The following ITPK1 variants were observed in gnomAD, a reference collection of about 807,000 sequenced individuals.
ITPK1 encodes inositol-tetrakisphosphate 1-kinase.
ITPK1 carries 21 observed loss-of-function variants against 45.3 expected under a neutral mutation model. That is an observed-to-expected ratio of 0.46 (90% CI 0.33 to 0.67). ITPK1 has a LOEUF of 0.67. Among genes scored for constraint, ITPK1 ranks in the 30% least tolerant of loss-of-function variants. ITPK1 has a pLI of 0.02. For synonymous variants in ITPK1, 258 were observed against 253.6 expected (o/e 1.02, Z -0.16); for missense variants, 474 against 573.5 (o/e 0.83, Z 1.77).
chr14:92,940,717 A>G lies in ITPK1; in HGVS notation c.*844T>C, dbSNP rs1043542. ...CTGATCTCAAATGTCCACTAGAGAC[A>G]AGGGGGTGGAGGCCCAAAGACCTGG... On this transcript the variant is annotated 3_prime_UTR_variant, in exon 11 of 11. Transcript: ENST00000267615. 0.63 allele frequency: 805,708 copies of G among 1,288,374 alleles called. 253,060 individuals are homozygous for G. Among genetic ancestry groups the G allele is most frequent in the East Asian group, 0.85 (15,349 of 18,006 alleles). 79.8% of individuals were successfully genotyped at this position (1,288,374 alleles called of 1,614,324 possible).
intron 4 of ITPK1, among the ~76,000 whole-genome samples, chr14:93,001,960 C>T (rs746057206): frequency 3.3e-5 from 5 of 152,196 alleles, no homozygotes; most frequent in Non-Finnish European, 5.9e-5. Flanking sequence ...ATGCTCACCA[C>T]GCACGGGTCA....
chr14:93,068,165 T>C (rs1446310366), intron 3 of ITPK1: 4 of 152,342 alleles, frequency 2.6e-5, no homozygotes, highest in South Asian at 2.1e-4. Context: ...ATCTCTTAGG[T>C]GTCTTCAATC....
intron 3 of ITPK1, among the ~76,000 whole-genome samples, chr14:93,024,148 C>T (rs796733808): frequency 1.1e-4 from 17 of 152,296 alleles, no homozygotes; most frequent in African/African-American, 4.1e-4. Context: ...GTGTGTGTTG[C>T]GGGGAGAGCG....
chr14:92,999,911 C>G (rs532098837), intron 4 of ITPK1, among the ~76,000 whole-genome samples: 1 of 152,300 alleles, frequency 6.6e-6, no homozygotes, highest in South Asian at 2.1e-4. Context: ...ACTCTCAGCC[C>G]CAAGTCCCAG....
intron 3 of ITPK1, among the ~76,000 whole-genome samples, chr14:93,062,346 C>T (rs560844099): frequency 6.6e-6 from 1 of 152,034 alleles, no homozygotes; most frequent in Non-Finnish European, 1.5e-5. Flanking sequence ...GGGAGGATTG[C>T]TTGAGCCCAG....
intron 7 of ITPK1, among the ~76,000 whole-genome samples, chr14:92,960,185 G>A (rs1163052674): frequency 1.3e-5 from 2 of 152,200 alleles, no homozygotes; most frequent in Non-Finnish European, 2.9e-5. Flanking sequence ...CGGCTGGGGA[G>A]TAGAGGGAGG....
At chr14:92,987,970 G>A (rs1886578335) in intron 5 of ITPK1, among the ~76,000 whole-genome samples, 1 of 152,240 alleles carries the variant, frequency 6.6e-6, no homozygotes, top group Admixed American at 6.5e-5. Context: ...GTCTGCAGCT[G>A]GCGCTTAGCC....
At chr14:92,988,258 T>TG (rs1308070888) in intron 5 of ITPK1, among the ~76,000 whole-genome samples, 2 of 152,066 alleles carry the variant, frequency 1.3e-5, no homozygotes, top group African/African-American at 4.8e-5. Context: ...AGGCTGACAC[T>TG]GGGGGAGGCA....
chr14:92,969,000 G>A (rs928559420), intron 5 of ITPK1, among the ~76,000 whole-genome samples: 7 of 152,110 alleles, frequency 4.6e-5, no homozygotes, highest in Admixed American at 3.3e-4. Flanking sequence ...AGCTGCCCCC[G>A]CTCGGGTTGC....
At chr14:92,975,131 TC>T (rs939461836) in intron 5 of ITPK1, among the ~76,000 whole-genome samples, 1 of 152,162 alleles carries the variant, frequency 6.6e-6, no homozygotes, top group Non-Finnish European at 1.5e-5. Context: ...TGCTCCATGC[TC>T]CCCAACGGCT....
intron 4 of ITPK1, among the ~76,000 whole-genome samples, chr14:93,007,379 A>AG (rs1214404318): frequency 3.8e-5 from 5 of 130,336 alleles, no homozygotes; most frequent in Admixed American, 3.4e-4. Context: ...CGCCCGGCCG[A>AG]GTCTGACTTT....
intron 9 of ITPK1, 40 bp from the exon 10 acceptor site, chr14:92,946,533 A>T: frequency 6.3e-7 from 1 of 1,596,614 alleles, no homozygotes; most frequent in Non-Finnish European, 8.5e-7. Flanking sequence ...TGGGCCGAGG[A>T]GCTGCGAAGC....
At chr14:93,052,522 C>T (rs1015068871) in intron 3 of ITPK1, among the ~76,000 whole-genome samples, 3 of 152,096 alleles carry the variant, frequency 2.0e-5, no homozygotes, top group Admixed American at 6.6e-5. Flanking sequence ...TTGTTCTTAC[C>T]CTGGGGGCCT....
At chr14:92,959,494 T>G (rs543243557) in intron 7 of ITPK1, among the ~76,000 whole-genome samples, 1 of 151,876 alleles carries the variant, frequency 6.6e-6, no homozygotes, top group African/African-American at 2.4e-5. Flanking sequence ...GCTGGGGGCG[T>G]TGGGGGGCAG....
intron 7 of ITPK1, among the ~76,000 whole-genome samples, chr14:92,960,492 G>A (rs1020131191): frequency 5.3e-5 from 8 of 152,214 alleles, no homozygotes; most frequent in Non-Finnish European, 8.8e-5. Context: ...TACTCTGGGT[G>A]GCTGGGTAAT....
intron 10 of ITPK1, among the ~76,000 whole-genome samples, chr14:92,942,593 T>C (rs916814694): frequency 6.6e-6 from 1 of 152,172 alleles, no homozygotes. Flanking sequence ...GGAACGGAAA[T>C]GCTGGGCATC....
rs553054267 is a variant in ITPK1 at position 92,954,143 on chromosome 14, C to T, written c.671-2130G>A. ...CTCCTGACCTCAGGTGATCTGCCCGCCTCAGCCTCCCAAAGTGCTGGGGAT... is the reference window on the plus strand; with the variant it reads ...CTCCTGACCTCAGGTGATCTGCCCGTCTCAGCCTCCCAAAGTGCTGGGGAT... On this transcript the variant is annotated intron_variant, in intron 8 of 10. Coordinates refer to ENST00000267615, the MANE Select transcript of ITPK1 (RefSeq NM_014216.6). Among the ~76,000 whole-genome samples the T allele has an allele frequency of 7.2e-5, 11 of 152,340 alleles. No homozygotes were observed. The East Asian group carries it at 1.7e-3, about 24-fold the overall frequency.
intron 3 of ITPK1, among the ~76,000 whole-genome samples, chr14:93,072,772 T>C (rs1891075767): frequency 6.6e-6 from 1 of 152,168 alleles, no homozygotes; most frequent in Non-Finnish European, 1.5e-5. Context: ...AACTAATTTT[T>C]TGTATTTGTG....
In ITPK1 at chr14:92,939,805, T is replaced by C. The variant is rs1410309316; in HGVS notation, c.*1756A>G. 2.0e-6 allele frequency: 2 copies of C among 985,716 alleles called. No homozygotes were observed. Among genetic ancestry groups the C allele is most frequent in the East Asian group, 2.3e-4 (2 of 8,824 alleles). 61.1% of individuals were successfully genotyped at this position (985,716 alleles called of 1,614,324 possible). A position where few individuals can be genotyped will look rare whatever the true frequency, so the allele number is the denominator to read the frequency against. ...TAAAGCTGTTTTATTAAACGTCTTT[T>C]AAGGACTGGGAGTATGACATAACAA... On this transcript the variant is annotated 3_prime_UTR_variant, in exon 11 of 11. Coordinates refer to ENST00000267615, the MANE Select transcript of ITPK1 (RefSeq NM_014216.6).
Sources: gnomAD v4.1 joint callset for allele counts (sites outside exome capture counted in the v4.1 genomes callset) on GRCh38, gnomAD v4.1.1 for gene constraint, MANE v1.5 for transcripts, NCBI Gene and HGNC (gene_info 2026-07-23, HGNC 2026-07-21) for gene names.